The following FRMD4B variants were observed in gnomAD, a reference collection of about 807,000 sequenced individuals.
FRMD4B encodes FERM domain containing 4B, also known as FERM domain-containing protein 4B.
A neutral mutation model predicts 141.5 loss-of-function variants in FRMD4B; 74 were observed. That is an observed-to-expected ratio of 0.52 (90% CI 0.43 to 0.63). The LOEUF (loss-of-function observed/expected upper bound fraction) is 0.63. Among genes scored for constraint, FRMD4B ranks in the 30% least tolerant of loss-of-function variants. FRMD4B has a pLI of 0.00. For synonymous variants in FRMD4B, 506 were observed against 467.9 expected (o/e 1.08, Z -1.05); for missense variants, 1,366 against 1,253.4 (o/e 1.09, Z -1.36).
intron 1 of FRMD4B, among the ~76,000 whole-genome samples, chr3:69,446,369 G>A (rs1025518016): frequency 4.6e-5 from 7 of 151,510 alleles, no homozygotes; most frequent in African/African-American, 1.5e-4. Context: ...GTCTCAATCT[G>A]TCATCCTGGC....
intron 14 of FRMD4B, 40 bp from the exon 15 acceptor site, chr3:69,195,404 G>T: frequency 6.5e-7 from 1 of 1,540,738 alleles, no homozygotes; most frequent in Non-Finnish European, 8.7e-7. Context: ...TTATACAAGG[G>T]ATGTTTCCTT....
rs1223579720 is a variant in FRMD4B, at chr3:69,376,466, TACTCA to T, written c.162+9357_162+9361del. On this transcript the variant is annotated intron_variant, in intron 1 of 22. Coordinates refer to ENST00000398540, the MANE Select transcript of FRMD4B (RefSeq NM_015123.3). Reference sequence around the variant, plus strand: ...CAGCTGCTTAATATCTAGTAGCTGTTACTCAAGTCAAGACAGCAAGGTTACATAAA... The same window carrying T: ...CAGCTGCTTAATATCTAGTAGCTGTTAGTCAAGACAGCAAGGTTACATAAA... Among the ~76,000 whole-genome samples, 28 of 152,138 alleles carry T rather than the reference TACTCA, an allele frequency of 1.8e-4. No individual in the cohort carries two copies. The East Asian group carries it at 4.6e-3, about 25-fold the overall frequency.
intron 2 of FRMD4B, among the ~76,000 whole-genome samples, chr3:69,410,726 A>AATAAATAAATATATATATAT (rs1559519781): frequency 1.2e-5 from 1 of 86,346 alleles, no homozygotes; most frequent in African/African-American, 4.1e-5. Flanking sequence ...TAAATAAATA[A>AATAAATAAATATATATATAT]ATATATATAT....
chr3:69,386,049 A>AG lies in FRMD4B; in HGVS notation c.-61dup. The AG allele has an allele frequency of 7.3e-7, 1 of 1,365,892 alleles. No individual in the cohort carries two copies. The highest frequency in any genetic ancestry group is 9.6e-7 in the Non-Finnish European group (1 of 1,040,798). The allele number at this position is 1,365,892 out of a possible 1,614,324, so 84.6% of individuals were successfully genotyped here. A position where few individuals can be genotyped will look rare whatever the true frequency, so the allele number is the denominator to read the frequency against. On this transcript the variant is annotated 5_prime_UTR_variant, in exon 1 of 23. Coordinates refer to ENST00000398540, the MANE Select transcript of FRMD4B (RefSeq NM_015123.3). Reference sequence around the variant, plus strand: ...CTCTCGTACGTGCAGCCCCGACCCCAGCGGCCTGCCCGCCTGGGCTCCCGA... The same window carrying AG: ...CTCTCGTACGTGCAGCCCCGACCCCAGGCGGCCTGCCCGCCTGGGCTCCCGA...
chr3:69,436,303 T>C (rs533430594), intron 1 of FRMD4B, among the ~76,000 whole-genome samples: 1 of 152,194 alleles, frequency 6.6e-6, no homozygotes, highest in East Asian at 1.9e-4. Context: ...AAAACGTAGG[T>C]GTTACGGATC....
At chr3:69,510,134 G>A (rs1343175318) in intron 1 of FRMD4B, among the ~76,000 whole-genome samples, 3 of 151,928 alleles carry the variant, frequency 2.0e-5, no homozygotes, top group Admixed American at 6.5e-5. Flanking sequence ...GAACAATTTT[G>A]TCTACTTTAA....
intron 7 of FRMD4B, among the ~76,000 whole-genome samples, chr3:69,225,519 CAAAA>C (rs35855787): frequency 6.3e-3 from 319 of 50,578 alleles, no homozygotes; most frequent in African/African-American, 0.024. Flanking sequence ...ACTAAAAATA[CAAAA>C]AAAAAAAAAA....
chr3:69,538,185 G>A (rs2107174242), intron 1 of FRMD4B, among the ~76,000 whole-genome samples: 1 of 152,284 alleles, frequency 6.6e-6, no homozygotes, highest in African/African-American at 2.4e-5. Flanking sequence ...AGAAGAAAAA[G>A]GCAGACCTGA....
intron 1 of FRMD4B, among the ~76,000 whole-genome samples, chr3:69,434,248 A>G (rs984809471): frequency 2.0e-5 from 3 of 152,238 alleles, no homozygotes; most frequent in African/African-American, 7.2e-5. Flanking sequence ...ATAAACAGAT[A>G]TCTTCTGGTT....
intron 3 of FRMD4B, 42 bp from the exon 4 acceptor site, chr3:69,302,477 A>G: frequency 8.2e-7 from 1 of 1,225,820 alleles, no homozygotes. Flanking sequence ...ACAGAAAGTC[A>G]GAAAAGTTCA....
intron 1 of FRMD4B, among the ~76,000 whole-genome samples, chr3:69,370,876 T>G (rs1703804689): frequency 1.3e-5 from 2 of 152,058 alleles, no homozygotes. Context: ...CTTCTTAAAG[T>G]GTAAAGTAGA....
Position 69,197,045 on chromosome 3 carries a change from G to C in FRMD4B, c.954-7C>G. The stretch of plus-strand genomic sequence containing the variant: ...TCTTCTTGAAACTGAAATCCTGAAA[G>C]ATTAAAGAAAGCACTCAAATAATTC... On this transcript the variant is annotated splice_region_variant and splice_polypyrimidine_tract_variant and intron_variant, in intron 12 of 22. Transcript: ENST00000398540. 1 of 1,608,960 alleles carries C rather than the reference G, an allele frequency of 6.2e-7. No individual in the cohort carries two copies. The highest frequency in any genetic ancestry group is 1.7e-5 in the Admixed American group (1 of 59,652).
chr3:69,369,229 A>T (rs1703757996), intron 1 of FRMD4B, among the ~76,000 whole-genome samples: 1 of 152,242 alleles, frequency 6.6e-6, no homozygotes, highest in Admixed American at 6.5e-5. Context: ...AGTCCTATCT[A>T]TACATAAATA....
intron 1 of FRMD4B, among the ~76,000 whole-genome samples, chr3:69,491,618 T>C (rs974316324): frequency 2.0e-5 from 3 of 152,074 alleles, no homozygotes; most frequent in African/African-American, 7.2e-5. Context: ...AGGGTTAAAG[T>C]TACAAATACA....
intron 7 of FRMD4B, among the ~76,000 whole-genome samples, chr3:69,247,623 A>C (rs528646527): frequency 6.6e-6 from 1 of 152,190 alleles, no homozygotes; most frequent in African/African-American, 2.4e-5. Flanking sequence ...AGTAGCTGGG[A>C]TTACAGGTGC....
At position 69,239,274 on chromosome 3, in the gene FRMD4B, C is replaced by T. The variant is rs186473886; in HGVS notation, c.581+9952G>A. Among the ~76,000 whole-genome samples, 20 of 152,270 alleles carry T rather than the reference C, an allele frequency of 1.3e-4. No homozygotes were observed. The East Asian group carries it at 3.9e-3, about 29-fold the overall frequency. On this transcript the variant is annotated intron_variant, in intron 7 of 22. Transcript: ENST00000398540. ...GATGCATCCTGTAGCAGGAAACCTGCTTGTGTTCTGGGAAGTGCAGTGTCC... is the reference window on the plus strand; with the variant it reads ...GATGCATCCTGTAGCAGGAAACCTGTTTGTGTTCTGGGAAGTGCAGTGTCC...
At chr3:69,503,672 C>T (rs1315204787) in intron 1 of FRMD4B, among the ~76,000 whole-genome samples, 1 of 152,170 alleles carries the variant, frequency 6.6e-6, no homozygotes, top group Non-Finnish European at 1.5e-5. Context: ...TACCCTAGAA[C>T]TTAAAGTATA....
chr3:69,420,787 G>C (rs1318367079), intron 2 of FRMD4B, among the ~76,000 whole-genome samples: 1 of 152,186 alleles, frequency 6.6e-6, no homozygotes, highest in Non-Finnish European at 1.5e-5. Context: ...AATTGGCTAG[G>C]ATATCAGAAG....
chr3:69,443,935 G>C (rs1304715799), intron 1 of FRMD4B, among the ~76,000 whole-genome samples: 2 of 152,162 alleles, frequency 1.3e-5, no homozygotes, highest in Admixed American at 1.3e-4. Context: ...AATTACTCCT[G>C]TAGATACATC....
Sources: allele counts gnomAD v4.1 joint callset (sites outside exome capture counted in the v4.1 genomes callset), GRCh38; gene constraint gnomAD v4.1.1; transcripts MANE v1.5; gene names NCBI Gene and HGNC (gene_info 2026-07-23, HGNC 2026-07-21).